Variants in PEX3 observed in about 807,000 individuals in gnomAD.
PEX3 encodes the protein peroxin-3.
A neutral mutation model predicts 55.8 loss-of-function variants in PEX3; 30 were observed. The ratio of observed to expected loss-of-function variants is 0.54; its 90% CI spans 0.40 to 0.73. The LOEUF (loss-of-function observed/expected upper bound fraction) is 0.73. Among genes scored for constraint, PEX3 ranks in the 30% least tolerant of loss-of-function variants. The pLI is 0.00. For synonymous variants in PEX3, 135 were observed against 148.4 expected (o/e 0.91, Z 0.66); for missense variants, 351 against 432.8 (o/e 0.81, Z 1.68).
rs1334297511 is a variant in PEX3, at chr6:143,476,382, T to C, written c.818+1526T>C. Among the ~76,000 whole-genome samples the C allele has an allele frequency of 6.6e-6, 1 of 152,200 alleles. No individual in the cohort carries two copies. Among genetic ancestry groups the C allele is most frequent in the Non-Finnish European group, 1.5e-5 (1 of 68,032 alleles). On this transcript the variant is annotated intron_variant, in intron 9 of 11. Coordinates refer to ENST00000367591, the MANE Select transcript of PEX3 (RefSeq NM_003630.3). The surrounding 1 kb of genome is among the most constrained non-coding windows in gnomAD (Gnocchi z 5.4). ...TAGGAAATTTGTTTTTTATTCTTAA[T>C]GTATGGGAAGCCATTGGAGAATTTT...
At chr6:143,467,323 A>G (rs977940149) in intron 3 of PEX3, among the ~76,000 whole-genome samples, 1 of 152,124 alleles carries the variant, frequency 6.6e-6, no homozygotes, top group Non-Finnish European at 1.5e-5. Context: ...ATTTAGAAAT[A>G]TCAGTATGAA....
chr6:143,472,041 C>A, intron 7 of PEX3, 119 bp from the exon 8 acceptor site: 2 of 732,758 alleles, frequency 2.7e-6, no homozygotes, highest in Non-Finnish European at 4.8e-6. Flanking sequence ...TTCCAGTCAG[C>A]AGTTACAGGT....
intron 1 of PEX3, among the ~76,000 whole-genome samples, chr6:143,456,262 C>G (rs986796083): frequency 2.6e-5 from 4 of 152,170 alleles, no homozygotes; most frequent in African/African-American, 7.2e-5. Context: ...GTTTTCCAGG[C>G]TAGGCTGCCA....
intron 1 of PEX3, among the ~76,000 whole-genome samples, chr6:143,456,657 T>A (rs1779849594): frequency 6.6e-6 from 1 of 152,180 alleles, no homozygotes; most frequent in Non-Finnish European, 1.5e-5. Context: ...ATTGTCGATG[T>A]CCAAGTTTCC....
chr6:143,468,907 A>C (rs931675550), intron 4 of PEX3, among the ~76,000 whole-genome samples: 1 of 145,038 alleles, frequency 6.9e-6, no homozygotes, highest in Admixed American at 7.4e-5. Flanking sequence ...CCCACCTATG[A>C]GTGAGAACAT....
At position 143,490,340 on chromosome 6, in the gene PEX3, G is replaced by A. The variant is rs541853125; in HGVS notation, c.*1114G>A. 1.9e-5 allele frequency: 3 copies of A among 155,296 alleles called. No homozygotes were observed. Among genetic ancestry groups the A allele is most frequent in the African/African-American group, 7.2e-5 (3 of 41,594 alleles). 9.6% of individuals were successfully genotyped at this position (155,296 alleles called of 1,614,324 possible). A position where few individuals can be genotyped will look rare whatever the true frequency, so the allele number is the denominator to read the frequency against. Reference sequence around the variant, plus strand: ...GTTTTATGTTCCTCCAGCGTAACATGTAGCTGAACAGTAGAAGGTAGAAAA... The same window carrying A: ...GTTTTATGTTCCTCCAGCGTAACATATAGCTGAACAGTAGAAGGTAGAAAA... On this transcript the variant is annotated 3_prime_UTR_variant, in exon 12 of 12. Coordinates refer to ENST00000367591, the MANE Select transcript of PEX3 (RefSeq NM_003630.3). This position sits in a 1 kb window ranked among gnomAD's most constrained non-coding sequence, Gnocchi z 6.0.
chr6:143,474,909 G>A, intron 9 of PEX3, 53 bp downstream of exon 9: 2 of 946,414 alleles, frequency 2.1e-6, no homozygotes, highest in South Asian at 2.6e-5. Context: ...GAATGTACTT[G>A]AGACTATTTT....
rs138040081 is a variant in PEX3, at chr6:143,479,348, T to C, written c.941+150T>C. 642 of 629,190 alleles carry C rather than the reference T, an allele frequency of 1.0e-3. 3 individuals are homozygous for C. The East Asian group carries it at 0.015, about 15-fold the overall frequency. 39.0% of individuals were successfully genotyped at this position (629,190 alleles called of 1,614,324 possible). A position where few individuals can be genotyped will look rare whatever the true frequency, so the allele number is the denominator to read the frequency against. Reference sequence around the variant, plus strand: ...TAAACTCTGTTAAACCAACAACTTCTTCACTAGCAGAAGCTCCTTCTTGGT... The same window carrying C: ...TAAACTCTGTTAAACCAACAACTTCCTCACTAGCAGAAGCTCCTTCTTGGT... On this transcript the variant is annotated intron_variant, in intron 10 of 11. Transcript: ENST00000367591. This position sits in a 1 kb window ranked among gnomAD's most constrained non-coding sequence, Gnocchi z 4.6.
In PEX3 at chr6:143,476,858, A is replaced by G. The variant is rs1434575300; in HGVS notation, c.818+2002A>G. Among the ~76,000 whole-genome samples, 2 of 152,242 alleles carry G rather than the reference A, an allele frequency of 1.3e-5. No homozygotes were observed. Among genetic ancestry groups the G allele is most frequent in the Admixed American group, 6.5e-5 (1 of 15,284 alleles). ...TATTTAAAGACATGGGAATAGGAAC[A>G]GATAGAGACTAGAAGACAACTAAGT... On this transcript the variant is annotated intron_variant, in intron 9 of 11. Coordinates refer to ENST00000367591, the MANE Select transcript of PEX3 (RefSeq NM_003630.3). The surrounding 1 kb of genome is among the most constrained non-coding windows in gnomAD (Gnocchi z 5.4).
rs1020014466 is a variant in PEX3, at chr6:143,479,879, C to T, written c.941+681C>T. Among the ~76,000 whole-genome samples the T allele has an allele frequency of 5.3e-5, 8 of 151,906 alleles. No individual in the cohort carries two copies. Among genetic ancestry groups the T allele is most frequent in the Non-Finnish European group, 1.2e-4 (8 of 67,928 alleles). On this transcript the variant is annotated intron_variant, in intron 10 of 11. Coordinates refer to ENST00000367591, the MANE Select transcript of PEX3 (RefSeq NM_003630.3). This position sits in a 1 kb window ranked among gnomAD's most constrained non-coding sequence, Gnocchi z 4.6. Reference sequence around the variant, plus strand: ...ATTTTGCAGTTTTTTATGTCAAACTCGGAAAATAATGGGTACTAAATTAAT... The same window carrying T: ...ATTTTGCAGTTTTTTATGTCAAACTTGGAAAATAATGGGTACTAAATTAAT...
At position 143,471,554 on chromosome 6, in the gene PEX3, T is replaced by C. The variant is rs1436590254; in HGVS notation, c.524-3T>C. The C allele has an allele frequency of 6.2e-7, 1 of 1,610,602 alleles. No individual in the cohort carries two copies. Among genetic ancestry groups the C allele is most frequent in the Non-Finnish European group, 8.5e-7 (1 of 1,177,150 alleles). On this transcript the variant is annotated splice_polypyrimidine_tract_variant and splice_region_variant and intron_variant, in intron 6 of 11. Coordinates refer to ENST00000367591, the MANE Select transcript of PEX3 (RefSeq NM_003630.3). The surrounding 1 kb of genome is among the most constrained non-coding windows in gnomAD (Gnocchi z 5.4). ...GCTTTTAGGTTTGTTTTTTCTTTAATAGGCCTGACAGAATTGATCACTGTC... is the reference window on the plus strand; with the variant it reads ...GCTTTTAGGTTTGTTTTTTCTTTAACAGGCCTGACAGAATTGATCACTGTC...
chr6:143,485,275 T>C lies in PEX3; in HGVS notation c.1038+27T>C, dbSNP rs1562658849. On this transcript the variant is annotated intron_variant, in intron 11 of 11. Coordinates refer to ENST00000367591, the MANE Select transcript of PEX3 (RefSeq NM_003630.3). This position sits in a 1 kb window ranked among gnomAD's most constrained non-coding sequence, Gnocchi z 5.6. ...TAAGAAGAAAGCTTGGGAGTGTTAT[T>C]AAAAGCAAATTATATTTGTGGTGGT... 1.7e-6 allele frequency: 2 copies of C among 1,181,112 alleles called. No homozygotes were observed. The highest frequency in any genetic ancestry group is 2.4e-5 in the South Asian group (2 of 82,432). 73.2% of individuals were successfully genotyped at this position (1,181,112 alleles called of 1,614,324 possible).
At chr6:143,477,156 G>C (rs1780164551) in intron 9 of PEX3, among the ~76,000 whole-genome samples, 1 of 152,112 alleles carries the variant, frequency 6.6e-6, no homozygotes. Context: ...TAATTCAAAA[G>C]AATTAGAGTT....
intron 9 of PEX3, 91 bp from the exon 10 acceptor site, chr6:143,478,982 TTGG>T (rs1362550557): frequency 1.1e-5 from 8 of 730,974 alleles, no homozygotes; most frequent in Non-Finnish European, 2.0e-5. Context: ...ACTAGAAATG[TTGG>T]TGGCTTTCAA....
Position 143,466,058 on chromosome 6 carries a change from A to C in PEX3, c.288-2064A>C, listed in dbSNP as rs1213979375. 6.6e-6 allele frequency among the ~76,000 whole-genome samples: 1 copy of C among 152,074 alleles called. No homozygotes were observed. Among genetic ancestry groups the C allele is most frequent in the Non-Finnish European group, 1.5e-5 (1 of 67,938 alleles). On this transcript the variant is annotated intron_variant, in intron 3 of 11. Transcript: ENST00000367591. This position sits in a 1 kb window ranked among gnomAD's most constrained non-coding sequence, Gnocchi z 5.4. ...AAAAGGAAAAAAAATGGATCCTTCC[A>C]CTAGTGGTTTGAAAAGCACTAAACT...
Position 143,488,123 on chromosome 6 carries a change from C to G in PEX3, c.1039-1020C>G, listed in dbSNP as rs1412966064. Among the ~76,000 whole-genome samples, 1 of 152,020 alleles carries G rather than the reference C, an allele frequency of 6.6e-6. No homozygotes were observed. Among genetic ancestry groups the G allele is most frequent in the African/African-American group, 2.4e-5 (1 of 41,408 alleles). ...ACTTGAAACTAAATAACATCAAATT[C>G]TCTGATGAGATAATTTAACCATGAA... On this transcript the variant is annotated intron_variant, in intron 11 of 11. Coordinates refer to ENST00000367591, the MANE Select transcript of PEX3 (RefSeq NM_003630.3). This position sits in a 1 kb window ranked among gnomAD's most constrained non-coding sequence, Gnocchi z 4.9.
At chr6:143,478,829 T>A (rs930275898) in intron 9 of PEX3, among the ~76,000 whole-genome samples, 12 of 152,114 alleles carry the variant, frequency 7.9e-5, no homozygotes, top group Admixed American at 3.3e-4. Context: ...TGATATTTTT[T>A]AAAAAATTCA....
At chr6:143,480,961 G>A (rs1780229668) in intron 10 of PEX3, among the ~76,000 whole-genome samples, 1 of 152,106 alleles carries the variant, frequency 6.6e-6, no homozygotes, top group African/African-American at 2.4e-5. Flanking sequence ...GCAATGAGCT[G>A]TGATTGTGCT....
intron 1 of PEX3, among the ~76,000 whole-genome samples, chr6:143,455,654 T>G (rs1779836133): frequency 6.6e-6 from 1 of 152,134 alleles, no homozygotes; most frequent in Admixed American, 6.5e-5. Flanking sequence ...ATGAGTGATA[T>G]GAGATTTATG....
Sources: allele counts gnomAD v4.1 joint callset (sites outside exome capture counted in the v4.1 genomes callset), GRCh38; gene constraint gnomAD v4.1.1; non-coding constraint Gnocchi (gnomAD v3.1); transcripts MANE v1.5; gene names NCBI Gene and HGNC (gene_info 2026-07-23, HGNC 2026-07-21).